DPYD: variants seen among roughly 807,000 people sequenced by gnomAD.
DPYD encodes dihydropyrimidine dehydrogenase [NADP(+)].
In DPYD, 109 loss-of-function variants were observed where a neutral mutation model predicts 116.2. The ratio of observed to expected loss-of-function variants is 0.94; its 90% CI spans 0.80 to 1.10. The LOEUF (loss-of-function observed/expected upper bound fraction) is 1.10. Among genes scored for constraint, DPYD ranks in the 50% least tolerant of loss-of-function variants. The pLI is 0.00. For missense variants in DPYD, 1,302 were observed against 1,254.5 expected, an observed-to-expected ratio of 1.04 and a Z score of -0.57; for synonymous variants, 440 against 432.0, an observed-to-expected ratio of 1.02 and a Z score of -0.23.
chr1:97,628,479 A>C (rs1473604060), intron 8 of DPYD, among the ~76,000 whole-genome samples: 1 of 152,100 alleles, frequency 6.6e-6, no homozygotes, highest in Non-Finnish European at 1.5e-5. Flanking sequence ...CTTTGGCATC[A>C]TATATATTTT....
chr1:97,544,287 A>G (rs1412015556), intron 12 of DPYD, among the ~76,000 whole-genome samples: 1 of 152,118 alleles, frequency 6.6e-6, no homozygotes, highest in African/African-American at 2.4e-5. Context: ...GCTGCTTAGC[A>G]CTTTGCATCC....
intron 8 of DPYD, among the ~76,000 whole-genome samples, chr1:97,675,937 C>T (rs886364836): frequency 7.3e-5 from 11 of 151,706 alleles, no homozygotes; most frequent in Admixed American, 3.3e-4. Context: ...TTAGTAGAGA[C>T]GGGGTTTCAC....
intron 8 of DPYD, among the ~76,000 whole-genome samples, chr1:97,650,294 G>C (rs74373175): frequency 6.3e-4 from 96 of 152,224 alleles, no homozygotes; most frequent in African/African-American, 2.3e-3. Flanking sequence ...GCATAGAACA[G>C]GTTCTCCATT....
At chr1:97,461,340 C>G (rs1677021904) in intron 13 of DPYD, among the ~76,000 whole-genome samples, 1 of 152,150 alleles carries the variant, frequency 6.6e-6, no homozygotes, top group South Asian at 2.1e-4. Context: ...TTAAATCTGT[C>G]TACTTTCAAC....
In DPYD at chr1:97,340,221, T is replaced by A. The variant is rs117914090; in HGVS notation, c.2058+33340A>T. Among the ~76,000 whole-genome samples, 220 of 151,992 alleles carry A rather than the reference T, an allele frequency of 1.4e-3. 5 individuals are homozygous for A. In the East Asian group the frequency reaches 0.035, roughly 24 times the overall value. On this transcript the variant is annotated intron_variant, in intron 16 of 22. Coordinates refer to ENST00000370192, the MANE Select transcript of DPYD (RefSeq NM_000110.4). ...GAAAATAGAGAAAAGAAAAAAAGAA[T>A]GCAGGAATGGAAATATTAATGTTAA...
intron 18 of DPYD, among the ~76,000 whole-genome samples, chr1:97,279,562 G>A (rs1665170486): frequency 6.6e-6 from 1 of 152,180 alleles, no homozygotes; most frequent in African/African-American, 2.4e-5. Context: ...TCAGGCTGGA[G>A]TGCAGTGGTG....
intron 3 of DPYD, among the ~76,000 whole-genome samples, chr1:97,784,188 A>G (rs1666899484): frequency 6.6e-6 from 1 of 152,168 alleles, no homozygotes. Flanking sequence ...AAAATGGGAG[A>G]CATGACGATT....
At chr1:97,556,355 T>C (rs1651709998) in intron 11 of DPYD, among the ~76,000 whole-genome samples, 1 of 151,984 alleles carries the variant, frequency 6.6e-6, no homozygotes, top group Non-Finnish European at 1.5e-5. Flanking sequence ...ATTATGATTT[T>C]TTTCTTTTTT....
intron 3 of DPYD, among the ~76,000 whole-genome samples, chr1:97,807,616 T>C (rs575543167): frequency 1.5e-4 from 23 of 152,252 alleles, no homozygotes; most frequent in Non-Finnish European, 3.2e-4. Context: ...ACAGTGTCTT[T>C]TGCAGAGCAG....
chr1:97,368,719 G>T (rs1671166626), intron 16 of DPYD, among the ~76,000 whole-genome samples: 1 of 152,168 alleles, frequency 6.6e-6, no homozygotes, highest in South Asian at 2.1e-4. Context: ...GGTTGGTCTT[G>T]ATATTAAAAG....
chr1:97,224,705 T>C (rs1241123910), intron 19 of DPYD, among the ~76,000 whole-genome samples: 1 of 151,836 alleles, frequency 6.6e-6, no homozygotes, highest in African/African-American at 2.4e-5. Flanking sequence ...ACAGTTCTAC[T>C]CTCTAAGTAG....
intron 16 of DPYD, among the ~76,000 whole-genome samples, chr1:97,310,704 G>C (rs1374711037): frequency 6.6e-6 from 1 of 151,604 alleles, no homozygotes. Context: ...TTCCTAAAAA[G>C]GTAGACATGG....
chr1:97,097,069 G>T (rs983822196), intron 21 of DPYD, among the ~76,000 whole-genome samples: 1 of 152,096 alleles, frequency 6.6e-6, no homozygotes, highest in African/African-American at 2.4e-5. Context: ...TCTGGCCTTC[G>T]CATTCCATTA....
At chr1:97,502,823 T>C (rs529462592) in intron 13 of DPYD, among the ~76,000 whole-genome samples, 5 of 152,110 alleles carry the variant, frequency 3.3e-5, no homozygotes, top group South Asian at 4.1e-4. Flanking sequence ...ATTTTACATG[T>C]TACGAATCAT....
intron 18 of DPYD, among the ~76,000 whole-genome samples, chr1:97,281,379 G>T (rs1665313548): frequency 6.6e-6 from 1 of 151,442 alleles, no homozygotes; most frequent in African/African-American, 2.4e-5. Flanking sequence ...CTACCAAAAG[G>T]ATAAAACAAT....
At chr1:97,096,802 A>G (rs558776596) in intron 21 of DPYD, among the ~76,000 whole-genome samples, 1 of 152,246 alleles carries the variant, frequency 6.6e-6, no homozygotes, top group Non-Finnish European at 1.5e-5. Flanking sequence ...AGCAGTGGCA[A>G]CCTGCTGGGG....
intron 12 of DPYD, among the ~76,000 whole-genome samples, chr1:97,520,545 C>T (rs147388662): frequency 1.5e-3 from 234 of 152,182 alleles, no homozygotes; most frequent in Non-Finnish European, 9.9e-4. Context: ...AGGTTTGTTA[C>T]ATAGGATGCT....
At chr1:97,587,914 T>C (rs574543123) in intron 10 of DPYD, among the ~76,000 whole-genome samples, 1 of 152,000 alleles carries the variant, frequency 6.6e-6, no homozygotes, top group South Asian at 2.1e-4. Flanking sequence ...AACATGGTCC[T>C]TTGACATTAA....
At chr1:97,754,583 G>C (rs575201209) in intron 3 of DPYD, among the ~76,000 whole-genome samples, 9 of 152,114 alleles carry the variant, frequency 5.9e-5, no homozygotes, top group Non-Finnish European at 1.3e-4. Context: ...TATTTGCGTT[G>C]TTCCTTCATT....
Sources: allele counts gnomAD v4.1 joint callset (sites outside exome capture counted in the v4.1 genomes callset), GRCh38; gene constraint gnomAD v4.1.1; transcripts MANE v1.5; gene names NCBI Gene and HGNC (gene_info 2026-07-23, HGNC 2026-07-21).